Variants in ZNF475 observed in about 807,000 individuals in gnomAD.
ZNF475 encodes the protein zinc finger protein 475.
chr5:122,177,862 A>C, the ZNF475 span, among the ~76,000 whole-genome samples: 4 of 152,032 alleles, frequency 2.6e-5, no homozygotes, highest in African/African-American at 9.7e-5. Context: ...CGTTATCTAC[A>C]TTAGGTATTT....
At chr5:122,181,584 A>G in the ZNF475 span, among the ~76,000 whole-genome samples, 17 of 152,228 alleles carry the variant, frequency 1.1e-4, no homozygotes, top group Admixed American at 3.9e-4. Context: ...TGGTTGTGTG[A>G]ACCATTAGAT....
At chr5:122,170,786 G>A in the ZNF475 span, among the ~76,000 whole-genome samples, 510 of 152,204 alleles carry the variant, frequency 3.4e-3, 5 homozygotes, top group African/African-American at 0.012. Context: ...GGTCATTCTG[G>A]CAACCAGCCC....
chr5:122,172,960 G>A, the ZNF475 span, among the ~76,000 whole-genome samples: 3 of 152,036 alleles, frequency 2.0e-5, no homozygotes, highest in African/African-American at 4.8e-5. Flanking sequence ...GTGAACCCGG[G>A]AGGCAGAGCT....
the ZNF475 span, chr5:122,160,269 G>A: frequency 7.8e-7 from 1 of 1,289,756 alleles, no homozygotes; most frequent in South Asian, 1.2e-5. Flanking sequence ...TAAGGTAACA[G>A]GACCAGTTCT....
the ZNF475 span, among the ~76,000 whole-genome samples, chr5:122,165,880 T>C: frequency 6.6e-6 from 1 of 152,232 alleles, no homozygotes; most frequent in Admixed American, 6.5e-5. Context: ...TATTTAGTAA[T>C]AACATAGTTT....
At chr5:122,182,418 C>A in the ZNF475 span, 1 of 1,241,568 alleles carries the variant, frequency 8.1e-7, no homozygotes, top group South Asian at 1.8e-5. Flanking sequence ...TCCATTTTAC[C>A]TTTTTCTTTC....
At chr5:122,173,229 G>A in the ZNF475 span, among the ~76,000 whole-genome samples, 3 of 152,134 alleles carry the variant, frequency 2.0e-5, no homozygotes, top group Admixed American at 6.5e-5. Context: ...TAGTTATTGA[G>A]TTGTGTATTT....
chr5:122,160,826 G>A, the ZNF475 span, among the ~76,000 whole-genome samples: 9 of 152,172 alleles, frequency 5.9e-5, no homozygotes, highest in Admixed American at 3.9e-4. Context: ...CCAAACACAC[G>A]TACATCCACA....
chr5:122,161,622 T>C, the ZNF475 span, among the ~76,000 whole-genome samples: 1 of 152,182 alleles, frequency 6.6e-6, no homozygotes, highest in Non-Finnish European at 1.5e-5. Context: ...AAACCCAATG[T>C]CCAAGTTCAG....
the ZNF475 span, chr5:122,179,432 T>C: frequency 6.4e-6 from 3 of 471,370 alleles, no homozygotes; most frequent in Non-Finnish European, 1.1e-5. Flanking sequence ...TAGTGGTTTA[T>C]AGCTCTCCTT....
the ZNF475 span, among the ~76,000 whole-genome samples, chr5:122,176,560 T>A: frequency 6.6e-6 from 1 of 152,170 alleles, no homozygotes; most frequent in African/African-American, 2.4e-5. Flanking sequence ...GAGGCTTCTG[T>A]CAATGCCCCT....
chr5:122,182,598 C>T, the ZNF475 span: 1 of 1,535,564 alleles, frequency 6.5e-7, no homozygotes, highest in Non-Finnish European at 8.7e-7. Flanking sequence ...GCCAGACAGA[C>T]TGATTGTTCA....
At chr5:122,166,310 A>G in the ZNF475 span, among the ~76,000 whole-genome samples, 5 of 152,124 alleles carry the variant, frequency 3.3e-5, no homozygotes, top group Admixed American at 1.3e-4. Flanking sequence ...GAAGTGCCTC[A>G]TATGTTGGAA....
At chr5:122,166,851 A>C in the ZNF475 span, among the ~76,000 whole-genome samples, 6,034 of 152,264 alleles carry the variant, frequency 0.04, 400 homozygotes, top group African/African-American at 0.14. Flanking sequence ...TGGGTATATA[A>C]CCAGTAATGG....
At chr5:122,171,973 C>T in the ZNF475 span, among the ~76,000 whole-genome samples, 9 of 152,158 alleles carry the variant, frequency 5.9e-5, no homozygotes, top group Admixed American at 4.6e-4. Flanking sequence ...TCAAACCCTT[C>T]GGCTCAAGCA....
chr5:122,167,323 CT>C, the ZNF475 span, among the ~76,000 whole-genome samples: 2 of 152,036 alleles, frequency 1.3e-5, no homozygotes, highest in Admixed American at 6.6e-5. Context: ...AATGGACTTT[CT>C]CCTACAAAAA....
At chr5:122,160,559 T>TCCCAGAG in the ZNF475 span, among the ~76,000 whole-genome samples, 1 of 152,286 alleles carries the variant, frequency 6.6e-6, no homozygotes, top group Admixed American at 6.5e-5. Flanking sequence ...CAACTACATC[T>TCCCAGAG]CCCAGAGCCC....
At chr5:122,178,172 C>T in the ZNF475 span, among the ~76,000 whole-genome samples, 1 of 152,160 alleles carries the variant, frequency 6.6e-6, no homozygotes, top group Non-Finnish European at 1.5e-5. Context: ...GGTTCCAAGT[C>T]TTTGCTATTG....
At chr5:122,160,347 ATG>A in the ZNF475 span, 9 of 1,110,594 alleles carry the variant, frequency 8.1e-6, no homozygotes, top group South Asian at 1.2e-4. Flanking sequence ...TGTGTGGAAT[ATG>A]TGTGTGTCGA....
Sources: gnomAD v4.1 joint callset for allele counts (sites outside exome capture counted in the v4.1 genomes callset) on GRCh38, gnomAD v4.1.1 for gene constraint, MANE v1.5 for transcripts, NCBI Gene and HGNC (gene_info 2026-07-23, HGNC 2026-07-21) for gene names.